The following TBC1D22A variants were observed in gnomAD, a reference collection of about 807,000 sequenced individuals.
The protein encoded by TBC1D22A is TBC1 domain family member 22A, also known as putative GTPase activator.
TBC1D22A carries 38 observed loss-of-function variants against 60.2 expected under a neutral mutation model. That is an observed-to-expected ratio of 0.63 (90% CI 0.49 to 0.83). The LOEUF (loss-of-function observed/expected upper bound fraction) is 0.83, where lower values mean the gene tolerates loss of function less well. Among genes scored for constraint, TBC1D22A ranks in the 40% least tolerant of loss-of-function variants. The pLI, the probability that TBC1D22A is intolerant of heterozygous loss-of-function variation, is 0.00. For missense variants in TBC1D22A, 628 were observed against 701.0 expected (o/e 0.90, Z 1.18); for synonymous variants, 302 against 281.7 (o/e 1.07, Z -0.72).
chr22:46,978,425 A>G (rs1310080730), intron 9 of TBC1D22A, among the ~76,000 whole-genome samples: 2 of 152,228 alleles, frequency 1.3e-5, no homozygotes, highest in African/African-American at 4.8e-5. Flanking sequence ...TCGAAACAAA[A>G]ATGTTTAGTG....
intron 1 of TBC1D22A, chr22:46,763,942 A>C (rs777194447): frequency 6.6e-6 from 1 of 152,188 alleles, no homozygotes; most frequent in Non-Finnish European, 1.5e-5. Flanking sequence ...TAAAAATACA[A>C]AATTAGCTGG....
chr22:47,057,611 A>G (rs2063435844), intron 11 of TBC1D22A, among the ~76,000 whole-genome samples: 1 of 152,230 alleles, frequency 6.6e-6, no homozygotes, highest in Admixed American at 6.5e-5. Flanking sequence ...CACAATCATC[A>G]TGGAAGACGA....
intron 11 of TBC1D22A, among the ~76,000 whole-genome samples, chr22:47,081,033 T>C (rs1264109217): frequency 6.6e-6 from 1 of 151,370 alleles, no homozygotes; most frequent in Non-Finnish European, 1.5e-5. Flanking sequence ...GGCAGGAGAA[T>C]TGCTTGAACC....
chr22:47,162,025 G>C (rs377515690), intron 12 of TBC1D22A, among the ~76,000 whole-genome samples: 1 of 152,318 alleles, frequency 6.6e-6, no homozygotes, highest in Non-Finnish European at 1.5e-5. Flanking sequence ...TATTTTGCCA[G>C]TTCCTTTAAG....
chr22:46,913,317 T>A, intron 8 of TBC1D22A: 1 of 1,365,426 alleles, frequency 7.3e-7, no homozygotes, highest in Non-Finnish European at 9.8e-7. Flanking sequence ...CCTGTTGTTA[T>A]TACATGGTGT....
At chr22:47,047,163 C>T (rs1239795980) in intron 11 of TBC1D22A, among the ~76,000 whole-genome samples, 5 of 152,126 alleles carry the variant, frequency 3.3e-5, no homozygotes, top group Admixed American at 6.5e-5. Context: ...GAGGAGGGCT[C>T]GGGGACCTTC....
intron 4 of TBC1D22A, among the ~76,000 whole-genome samples, chr22:46,825,649 T>C (rs1046803955): frequency 1.3e-5 from 2 of 151,204 alleles, no homozygotes; most frequent in Non-Finnish European, 3.0e-5. Flanking sequence ...AATTTTTGTC[T>C]TTTTAGTAGA....
At chr22:47,100,222 G>A (rs1318848899) in intron 11 of TBC1D22A, among the ~76,000 whole-genome samples, 5 of 151,174 alleles carry the variant, frequency 3.3e-5, no homozygotes, top group Admixed American at 2.0e-4. Flanking sequence ...GGGGTGAGGT[G>A]TCAGGGCACA....
intron 12 of TBC1D22A, among the ~76,000 whole-genome samples, chr22:47,135,708 C>A (rs1199650090): frequency 6.6e-6 from 1 of 152,236 alleles, no homozygotes; most frequent in Non-Finnish European, 1.5e-5. Flanking sequence ...ATCCTGGTGC[C>A]TAGATTAGTA....
chr22:47,108,246 T>G (rs2065710301), intron 11 of TBC1D22A, among the ~76,000 whole-genome samples: 1 of 152,218 alleles, frequency 6.6e-6, no homozygotes, highest in African/African-American at 2.4e-5. Flanking sequence ...CAAAGATGAG[T>G]ACACAAATGT....
chr22:46,955,464 G>A (rs934512865), intron 8 of TBC1D22A, among the ~76,000 whole-genome samples: 2 of 152,304 alleles, frequency 1.3e-5, no homozygotes, highest in South Asian at 4.1e-4. Flanking sequence ...GGCCGTATTT[G>A]CATTTTGAAA....
At chr22:47,070,439 C>T (rs1014367688) in intron 11 of TBC1D22A, among the ~76,000 whole-genome samples, 1 of 93,390 alleles carries the variant, frequency 1.1e-5, no homozygotes, top group East Asian at 2.4e-4. Flanking sequence ...TTTGGTTGGA[C>T]GCTGTCCCCT....
chr22:46,818,585 G>A (rs2085696899), intron 4 of TBC1D22A, among the ~76,000 whole-genome samples: 3 of 152,150 alleles, frequency 2.0e-5, no homozygotes, highest in African/African-American at 7.2e-5. Context: ...TTACTTCTGA[G>A]GTCTCTGTTC....
At chr22:47,113,563 C>T (rs1417024254) in intron 12 of TBC1D22A, among the ~76,000 whole-genome samples, 3 of 152,152 alleles carry the variant, frequency 2.0e-5, no homozygotes, top group Non-Finnish European at 4.4e-5. Flanking sequence ...CACACATATG[C>T]GAGGAATGGA....
At chr22:46,966,394 G>C (rs1187847136) in intron 8 of TBC1D22A, among the ~76,000 whole-genome samples, 1 of 152,216 alleles carries the variant, frequency 6.6e-6, no homozygotes, top group South Asian at 2.1e-4. Flanking sequence ...AGGAGCACAT[G>C]GGCACGGCCT....
intron 1 of TBC1D22A, among the ~76,000 whole-genome samples, chr22:46,790,681 T>TGAA (rs2084366971): frequency 6.6e-6 from 1 of 152,132 alleles, no homozygotes; most frequent in Non-Finnish European, 1.5e-5. Flanking sequence ...TACTAATGAA[T>TGAA]GAAGAGGCAC....
At position 46,793,757 on chromosome 22, in the gene TBC1D22A, C is replaced by G; in HGVS notation, c.376C>G (p.Pro126Ala). 1 of 1,605,168 alleles carries G rather than the reference C, an allele frequency of 6.2e-7. No individual in the cohort carries two copies. Among genetic ancestry groups the G allele is most frequent in the Non-Finnish European group, 8.5e-7 (1 of 1,176,886 alleles). Residue 126 changes from proline to alanine, a missense_variant, in exon 3 of 13, where the codon CCC (proline) becomes GCC (alanine). By Grantham distance (27) the Pro-to-Ala change is conservative (BLOSUM62 -1). Coordinates refer to ENST00000337137, the MANE Select transcript of TBC1D22A (RefSeq NM_014346.5). ...GCCAGGGCTTCAGCAGAAGCCCAGG[C>G]CCGAGGCAGAGCCGCCCTCACCCCC... ...EGPGLQQKPR[P>A]EAEPPSPPSG...
At chr22:46,778,150 G>A (rs1018825655) in intron 1 of TBC1D22A, among the ~76,000 whole-genome samples, 6 of 151,650 alleles carry the variant, frequency 4.0e-5, no homozygotes, top group Non-Finnish European at 5.9e-5. Flanking sequence ...GGTGCCCTTG[G>A]TGGGTCGGTG....
chr22:47,164,438 C>T (rs1001672061), intron 12 of TBC1D22A, among the ~76,000 whole-genome samples: 4 of 152,190 alleles, frequency 2.6e-5, no homozygotes, highest in African/African-American at 7.2e-5. Context: ...AGGTTGAGCT[C>T]CTCCTAGGGA....
Sources: gnomAD v4.1 joint callset for allele counts (sites outside exome capture counted in the v4.1 genomes callset) on GRCh38, gnomAD v4.1.1 for gene constraint, MANE v1.5 for transcripts, NCBI Gene and HGNC (gene_info 2026-07-23, HGNC 2026-07-21) for gene names.